Variants in PACRG observed in about 807,000 individuals in gnomAD.
The protein encoded by PACRG is parkin coregulated.
Under a neutral mutation model 29.7 loss-of-function variants are expected in PACRG, and 29 were observed. The ratio of observed to expected loss-of-function variants is 0.98; its 90% CI spans 0.73 to 1.33. The LOEUF (loss-of-function observed/expected upper bound fraction) is 1.33. Among genes scored for constraint, PACRG ranks in the 40% most tolerant of loss-of-function variants. The pLI, the probability that PACRG is intolerant of heterozygous loss-of-function variation, is 0.00. For missense variants in PACRG, 279 were observed against 316.2 expected (o/e 0.88, Z 0.89); for synonymous variants, 116 against 118.7 (o/e 0.98, Z 0.15).
rs35254999 is a variant in PACRG, at chr6:163,292,602, A to ATTTATTTG, written c.614-22223_614-22222insTATTTGTT. 2.9e-3 allele frequency among the ~76,000 whole-genome samples: 428 copies of ATTTATTTG among 150,140 alleles called. 8 individuals carry two copies. Among genetic ancestry groups the ATTTATTTG allele is most frequent in the South Asian group, 0.012 (59 of 4,762 alleles). ...TATTTATTTATTTATTTATTTATTT[A>ATTTATTTG]TTAGTAGAGATAGGGTTTCACCATG... On this transcript the variant is annotated intron_variant, in intron 4 of 4. Transcript: ENST00000366888.
At chr6:163,075,959 A>G (rs1342603523) in intron 3 of PACRG, among the ~76,000 whole-genome samples, 1 of 152,230 alleles carries the variant, frequency 6.6e-6, no homozygotes, top group African/African-American at 2.4e-5. Flanking sequence ...TCAGTACCAC[A>G]GGAAACAAGA....
chr6:163,101,382 T>C, intron 4 of PACRG: 1 of 977,308 alleles, frequency 1.0e-6, no homozygotes, highest in Non-Finnish European at 1.2e-6. Context: ...GAGGAGTTCA[T>C]AGTTTTTCTA....
At chr6:162,847,847 T>C (rs988586104) in intron 2 of PACRG, among the ~76,000 whole-genome samples, 7 of 152,090 alleles carry the variant, frequency 4.6e-5, no homozygotes, top group Non-Finnish European at 8.8e-5. Context: ...GTATTTTATA[T>C]ACATGTTGAG....
intron 2 of PACRG, among the ~76,000 whole-genome samples, chr6:162,880,911 G>T (rs1793783547): frequency 6.6e-6 from 1 of 152,170 alleles, no homozygotes; most frequent in Admixed American, 6.5e-5. Flanking sequence ...CATCGTTCAG[G>T]GCGTGGCAGC....
chr6:163,269,948 AAAG>A lies in PACRG; in HGVS notation c.614-44876_614-44874del, dbSNP rs1329121317. On this transcript the variant is annotated intron_variant, in intron 4 of 4. Coordinates refer to ENST00000366888, the MANE Select transcript of PACRG (RefSeq NM_001080379.2). ...AAAGAAAACAAAGAAAGAAAGAAAG[AAAG>A]AAAGAAAGAAAGAAAGAAAGAAAGA... Among the ~76,000 whole-genome samples, 114 of 50,798 alleles carry A rather than the reference AAAG, an allele frequency of 2.2e-3. 11 individuals are homozygous for A. Among genetic ancestry groups the A allele is most frequent in the East Asian group, 0.017 (28 of 1,682 alleles). 33.3% of individuals were successfully genotyped at this position (50,798 alleles called of 152,430 possible). A position where few individuals can be genotyped will look rare whatever the true frequency, so the allele number is the denominator to read the frequency against.
intron 4 of PACRG, among the ~76,000 whole-genome samples, chr6:163,114,872 A>C (rs1815897898): frequency 1.3e-5 from 2 of 152,036 alleles, no homozygotes; most frequent in South Asian, 2.1e-4. Flanking sequence ...AAAAAAAAAA[A>C]AAGGTAATAA....
intron 2 of PACRG, among the ~76,000 whole-genome samples, chr6:162,815,369 CT>C (rs1787245786): frequency 6.7e-6 from 1 of 149,786 alleles, no homozygotes; most frequent in African/African-American, 2.5e-5. Flanking sequence ...TTTTTCCTTC[CT>C]GTATAGACAC....
chr6:162,917,512 G>A (rs1001606971), intron 2 of PACRG, among the ~76,000 whole-genome samples: 2 of 152,148 alleles, frequency 1.3e-5, no homozygotes, highest in Non-Finnish European at 2.9e-5. Context: ...GGGGACAGCT[G>A]TCTCCATATC....
chr6:163,191,416 C>A (rs1029734532), intron 4 of PACRG, among the ~76,000 whole-genome samples: 1 of 152,134 alleles, frequency 6.6e-6, no homozygotes, highest in African/African-American at 2.4e-5. Context: ...GAGTGGCCCC[C>A]CAACGCCACG....
At chr6:162,992,682 A>C (rs1803559228) in intron 2 of PACRG, among the ~76,000 whole-genome samples, 1 of 115,320 alleles carries the variant, frequency 8.7e-6, no homozygotes, top group African/African-American at 3.5e-5. Flanking sequence ...TGATCCTTTC[A>C]AAAAACCAGC....
rs1810463969 is a variant in PACRG, at chr6:163,055,301, G to A, written c.292-6849G>A. On this transcript the variant is annotated intron_variant, in intron 2 of 4. Transcript: ENST00000366888. The surrounding 1 kb of genome is among the most constrained non-coding windows in gnomAD (Gnocchi z 4.0). ...AAAGAGAAGTCAGATATATTATTAA[G>A]ACACACACATGCACACATATCCAGG... Among the ~76,000 whole-genome samples, 1 of 151,862 alleles carries A rather than the reference G, an allele frequency of 6.6e-6. No individual in the cohort carries two copies. The highest frequency in any genetic ancestry group is 1.5e-5 in the Non-Finnish European group (1 of 67,976).
At chr6:163,181,402 G>T (rs936531781) in intron 4 of PACRG, among the ~76,000 whole-genome samples, 1 of 151,970 alleles carries the variant, frequency 6.6e-6, no homozygotes, top group East Asian at 1.9e-4. Context: ...AAGCAGTGCC[G>T]GGGCTGGAGA....
At chr6:162,733,516 G>A (rs538362432) in intron 1 of PACRG, among the ~76,000 whole-genome samples, 10 of 151,886 alleles carry the variant, frequency 6.6e-5, no homozygotes, top group African/African-American at 2.2e-4. Context: ...CTCTCTAATT[G>A]TGGAGCCCAG....
In PACRG at chr6:162,942,964, G is replaced by A. The variant is rs144044390; in HGVS notation, c.292-119186G>A. ...AGGCAAAAAAGGAGAGAGAAGCAAG[G>A]CAGCCAGCTCAGCTGGGATTGGCCA... On this transcript the variant is annotated intron_variant, in intron 2 of 4. Coordinates refer to ENST00000366888, the MANE Select transcript of PACRG (RefSeq NM_001080379.2). 1.4e-3 allele frequency among the ~76,000 whole-genome samples: 217 copies of A among 152,346 alleles called. 2 individuals carry two copies. Among genetic ancestry groups the A allele is most frequent in the African/African-American group, 5.0e-3 (208 of 41,578 alleles).
rs145417049 is a variant in PACRG, at chr6:162,875,259, GCA to G, written c.291+60985_291+60986del. On this transcript the variant is annotated intron_variant, in intron 2 of 4. Coordinates refer to ENST00000366888, the MANE Select transcript of PACRG (RefSeq NM_001080379.2). The stretch of plus-strand genomic sequence containing the variant: ...TGCACAGACATTCACACACAGACAT[GCA>G]CACACAGTCATCCACACACATTCAC... Among the ~76,000 whole-genome samples, 47 of 138,596 alleles carry G rather than the reference GCA, an allele frequency of 3.4e-4. 1 individual carries two copies. The highest frequency in any genetic ancestry group is 6.0e-4 in the African/African-American group (22 of 36,846). The allele number at this position is 138,596 out of a possible 152,430, so 90.9% of individuals were successfully genotyped here. A position where few individuals can be genotyped will look rare whatever the true frequency, so the allele number is the denominator to read the frequency against.
At chr6:163,269,867 G>GAGAAAGAAAGAAAGAAAGAAAGAAAGAA (rs767222690) in intron 4 of PACRG, among the ~76,000 whole-genome samples, 1 of 56,740 alleles carries the variant, frequency 1.8e-5, no homozygotes, top group Non-Finnish European at 3.4e-5. Flanking sequence ...GAGAAAGAAA[G>GAGAAAGAAAGAAAGAAAGAAAGAAAGAA]AGAAAGAAAG....
chr6:163,174,203 A>G (rs924365993), intron 4 of PACRG, among the ~76,000 whole-genome samples: 2 of 152,184 alleles, frequency 1.3e-5, no homozygotes, highest in African/African-American at 4.8e-5. Flanking sequence ...AAATACATTA[A>G]TGATAGCTGA....
chr6:163,298,527 A>G (rs1380118847), intron 4 of PACRG, among the ~76,000 whole-genome samples: 1 of 152,214 alleles, frequency 6.6e-6, no homozygotes, highest in African/African-American at 2.4e-5. Flanking sequence ...TGAAGCAGTA[A>G]CCTCACTTTT....
At chr6:163,017,932 C>A (rs1455233668) in intron 2 of PACRG, among the ~76,000 whole-genome samples, 2 of 152,060 alleles carry the variant, frequency 1.3e-5, no homozygotes, top group African/African-American at 4.8e-5. Context: ...GAGTAAGACT[C>A]AAATTCAGGC....
Sources: allele counts gnomAD v4.1 joint callset (sites outside exome capture counted in the v4.1 genomes callset), GRCh38; gene constraint gnomAD v4.1.1; non-coding constraint Gnocchi (gnomAD v3.1); transcripts MANE v1.5; gene names NCBI Gene and HGNC (gene_info 2026-07-23, HGNC 2026-07-21).